Variants in PTPN9 observed in about 807,000 individuals in gnomAD.
The protein encoded by PTPN9 is tyrosine-protein phosphatase non-receptor type 9.
In PTPN9, 26 loss-of-function variants were observed where a neutral mutation model predicts 69.8. The ratio of observed to expected loss-of-function variants is 0.37; its 90% confidence interval spans 0.27 to 0.52. The LOEUF (loss-of-function observed/expected upper bound fraction) is 0.52. PTPN9 is among the 20% of genes least tolerant of loss of function. The pLI is 0.91. For synonymous variants in PTPN9, 274 were observed against 272.5 expected (o/e 1.01, Z -0.05); for missense variants, 549 against 740.3 (o/e 0.74, Z 3.00).
chr15:75,510,088 A>G (rs1165557800), intron 5 of PTPN9, among the ~76,000 whole-genome samples: 1 of 152,086 alleles, frequency 6.6e-6, no homozygotes, highest in Non-Finnish European at 1.5e-5. Context: ...TAATCTATTC[A>G]TTCATCTATG....
At chr15:75,536,757 A>G (rs1467499050) in intron 1 of PTPN9, among the ~76,000 whole-genome samples, 2 of 152,150 alleles carry the variant, frequency 1.3e-5, no homozygotes, top group Non-Finnish European at 2.9e-5. Context: ...TCTTTAAGCA[A>G]AGGGATGAGA....
At chr15:75,566,688 A>G (rs1023487685) in intron 1 of PTPN9, among the ~76,000 whole-genome samples, 10 of 151,980 alleles carry the variant, frequency 6.6e-5, no homozygotes, top group African/African-American at 2.4e-4. Context: ...CAAAAAAAAA[A>G]AAAGAAAGAA....
At chr15:75,494,357 T>A (rs1169146230) in intron 7 of PTPN9, among the ~76,000 whole-genome samples, 2 of 152,014 alleles carry the variant, frequency 1.3e-5, no homozygotes, top group Non-Finnish European at 2.9e-5. Context: ...GTGAATCTTT[T>A]TTTTTGCAGG....
At chr15:75,576,547 C>T (rs1403758500) in intron 1 of PTPN9, among the ~76,000 whole-genome samples, 1 of 151,640 alleles carries the variant, frequency 6.6e-6, no homozygotes, top group Non-Finnish European at 1.5e-5. Flanking sequence ...CAGTAACTCA[C>T]GACTGTAATC....
At chr15:75,510,680 A>C (rs554810016) in intron 5 of PTPN9, among the ~76,000 whole-genome samples, 1 of 151,468 alleles carries the variant, frequency 6.6e-6, no homozygotes, top group Admixed American at 6.6e-5. Context: ...GATTCCACCA[A>C]TGTGTATTAA....
In PTPN9 at chr15:75,538,343, T is replaced by C. The variant is rs572383047; in HGVS notation, c.64-11082A>G. On this transcript the variant is annotated intron_variant, in intron 1 of 12. Transcript: ENST00000618819. ...CTGCTATTACCACCACTATGTAACA[T>C]TGCACTGAAGGTCATACCTAACAGA... Among the ~76,000 whole-genome samples the C allele has an allele frequency of 6.6e-5, 10 of 152,268 alleles. No individual in the cohort carries two copies. In the South Asian group the frequency reaches 1.5e-3, roughly 22 times the overall value.
At chr15:75,572,308 G>A (rs1029755552) in intron 1 of PTPN9, among the ~76,000 whole-genome samples, 1 of 151,848 alleles carries the variant, frequency 6.6e-6, no homozygotes, top group African/African-American at 2.4e-5. Flanking sequence ...CACAGCCTGG[G>A]CAACAAAGCA....
In PTPN9 at chr15:75,523,140, G is replaced by A. The variant is rs1289716181; in HGVS notation, c.403C>T (p.Leu135=). 1 of 1,613,928 alleles carries A rather than the reference G, an allele frequency of 6.2e-7. No individual in the cohort carries two copies. Among genetic ancestry groups the A allele is most frequent in the African/African-American group, 1.3e-5 (1 of 74,890 alleles). ...HVVLQALFYL[L]DRAVDSFETQ... ...GCTTACCTATCCACAGCTCTGTCTA[G>A]CAAGTAAAACAGAGCCTGAAGTACC... The change falls in exon 4 of 13, where the codon CTA becomes TTA. Residue 135 remains leucine, a synonymous_variant. Coordinates refer to ENST00000618819, the MANE Select transcript of PTPN9 (RefSeq NM_002833.4).
chr15:75,578,687 C>T, intron 1 of PTPN9, 27 bp downstream of exon 1: 2 of 1,365,690 alleles, frequency 1.5e-6, no homozygotes, highest in Admixed American at 3.0e-5. Context: ...CGGACACACC[C>T]AACGCGGCGG....
intron 8 of PTPN9, chr15:75,487,802 T>G (rs2074687213): frequency 2.0e-5 from 3 of 151,012 alleles, no homozygotes; most frequent in African/African-American, 4.9e-5. Flanking sequence ...GACAAGAGAG[T>G]TGGAAACCAT....
chr15:75,539,899 G>A (rs1347076077), intron 1 of PTPN9, among the ~76,000 whole-genome samples: 1 of 152,006 alleles, frequency 6.6e-6, no homozygotes, highest in Non-Finnish European at 1.5e-5. Flanking sequence ...TCGAACTCCT[G>A]GCCTCAAGTA....
chr15:75,562,791 C>CAAAAAAAAAAAAAAAAAAAAAAAAAAAA (rs60164759), intron 1 of PTPN9, among the ~76,000 whole-genome samples: 1 of 80,050 alleles, frequency 1.2e-5, no homozygotes, highest in African/African-American at 4.8e-5. Context: ...AGACTCGTTT[C>CAAAAAAAAAAAAAAAAAAAAAAAAAAAA]AAAAAAAAAA....
intron 5 of PTPN9, chr15:75,512,827 T>C: frequency 3.5e-6 from 1 of 282,300 alleles, no homozygotes; most frequent in Non-Finnish European, 7.0e-6. Context: ...AAGGACATTA[T>C]TATACTTTAG....
intron 1 of PTPN9, among the ~76,000 whole-genome samples, chr15:75,538,676 G>A (rs1394739224): frequency 6.6e-6 from 1 of 151,026 alleles, no homozygotes; most frequent in Non-Finnish European, 1.5e-5. Flanking sequence ...GACACAGCCA[G>A]ACCCTGTCTC....
Position 75,464,730 on chromosome 15 carries a change from A to G in PTPN9, c.*4039T>C, listed in dbSNP as rs2074530084. 6.6e-6 allele frequency: 1 copy of G among 152,200 alleles called. No individual in the cohort carries two copies. The highest frequency in any genetic ancestry group is 2.1e-4 in the South Asian group (1 of 4,836). 9.4% of individuals were successfully genotyped at this position (152,200 alleles called of 1,614,324 possible). A position where few individuals can be genotyped will look rare whatever the true frequency, so the allele number is the denominator to read the frequency against. On this transcript the variant is annotated 3_prime_UTR_variant, in exon 13 of 13. Coordinates refer to ENST00000618819, the MANE Select transcript of PTPN9 (RefSeq NM_002833.4). ...TTTTGTATGTGTGTCTGTCTGTCCCAAGAGACAGGAAGCATTCCTTTCAGG... is the reference window on the plus strand; with the variant it reads ...TTTTGTATGTGTGTCTGTCTGTCCCGAGAGACAGGAAGCATTCCTTTCAGG...
At chr15:75,520,437 A>AATAG (rs138397961) in intron 4 of PTPN9, among the ~76,000 whole-genome samples, 52,389 of 140,066 alleles carry the variant, frequency 0.37, 10,148 homozygotes, top group Non-Finnish European at 0.45. Flanking sequence ...TAGGGTATAG[A>AATAG]ATAGATAGAT....
At chr15:75,526,957 T>C (rs946036776) in intron 2 of PTPN9, among the ~76,000 whole-genome samples, 161 bp downstream of exon 2, 1 of 152,222 alleles carries the variant, frequency 6.6e-6, no homozygotes, top group Admixed American at 6.5e-5. Context: ...GTAGCTGCCT[T>C]GCCCAGCTTC....
Position 75,473,630 on chromosome 15 carries a change from C to T in PTPN9, c.1208+59G>A. 2 of 1,355,022 alleles carry T rather than the reference C, an allele frequency of 1.5e-6. 1 individual carries two copies. The highest frequency in any genetic ancestry group is 2.4e-5 in the South Asian group (2 of 83,618). 83.9% of individuals were successfully genotyped at this position (1,355,022 alleles called of 1,614,324 possible). On this transcript the variant is annotated intron_variant, in intron 10 of 12. Transcript: ENST00000618819. ...TAAAAGCTAAACTTCCCTCTTTAAT[C>T]ACCCATGCCTAGGGACAGAGTGGAG...
intron 5 of PTPN9, among the ~76,000 whole-genome samples, chr15:75,516,261 G>A (rs2074868657): frequency 6.6e-6 from 1 of 151,386 alleles, no homozygotes; most frequent in Non-Finnish European, 1.5e-5. Context: ...ATATCTTGGG[G>A]ATGGGACCCA....
Sources: gnomAD v4.1 joint callset for allele counts (sites outside exome capture counted in the v4.1 genomes callset) on GRCh38, gnomAD v4.1.1 for gene constraint, MANE v1.5 for transcripts, NCBI Gene and HGNC (gene_info 2026-07-23, HGNC 2026-07-21) for gene names.